DST: variants seen among roughly 807,000 people sequenced by gnomAD.
DST encodes dystonin.
Under a neutral mutation model 875.2 loss-of-function variants are expected in DST, and 253 were observed. The observed-to-expected ratio is 0.29, with a 90% CI of 0.26 to 0.32. The LOEUF is 0.32. DST is among the 10% of genes least tolerant of loss of function. The pLI is 1.00. For missense variants in DST, 8,287 were observed against 9,111.6 expected (o/e 0.91, Z 3.68); for synonymous variants, 3,124 against 3,197.1 (o/e 0.98, Z 0.77).
At chr6:56,506,838 A>G in intron 75 of DST, 49 bp from the exon 76 acceptor site, 2 of 1,563,560 alleles carry the variant, frequency 1.3e-6, no homozygotes, top group Non-Finnish European at 1.7e-6. Flanking sequence ...AACCACATCA[A>G]AACTTTAAAA....
chr6:56,942,014 T>C (rs1321957886), intron 2 of DST, among the ~76,000 whole-genome samples: 1 of 152,210 alleles, frequency 6.6e-6, no homozygotes, highest in Non-Finnish European at 1.5e-5. Context: ...ATTAGTTAGA[T>C]ACACATTTAT....
chr6:56,950,467 C>T (rs531924085), intron 2 of DST, among the ~76,000 whole-genome samples: 84 of 152,274 alleles, frequency 5.5e-4, no homozygotes, highest in Middle Eastern at 3.4e-3. Flanking sequence ...ATTGTCACAG[C>T]CTGACTTTCA....
At chr6:56,634,414 A>G in intron 26 of DST, 48 bp downstream of exon 26, 1 of 1,611,032 alleles carries the variant, frequency 6.2e-7, no homozygotes, top group South Asian at 1.1e-5. Flanking sequence ...TTCAACCTTC[A>G]GAGGGCCCCC....
chr6:56,780,320 G>C (rs2099690376), intron 4 of DST, among the ~76,000 whole-genome samples: 1 of 151,896 alleles, frequency 6.6e-6, no homozygotes, highest in South Asian at 2.1e-4. Context: ...CACAACGGTT[G>C]AACTAGTTTA....
chr6:56,783,373 G>A (rs1050535238), intron 4 of DST, among the ~76,000 whole-genome samples: 7 of 152,062 alleles, frequency 4.6e-5, no homozygotes, highest in African/African-American at 1.7e-4. Context: ...CTCCTTGTAG[G>A]TCACTCAGGA....
intron 4 of DST, among the ~76,000 whole-genome samples, chr6:56,743,545 CCTGT>C (rs916139356): frequency 6.6e-5 from 10 of 152,244 alleles, no homozygotes; most frequent in South Asian, 6.2e-4. Flanking sequence ...AAAGCCTAAG[CCTGT>C]CTATTTCACT....
intron 87 of DST, 142 bp from the exon 88 acceptor site, chr6:56,485,613 T>G: frequency 1.2e-6 from 1 of 843,138 alleles, no homozygotes; most frequent in African/African-American, 1.7e-5. Flanking sequence ...TTCTTTGCTC[T>G]TCTTAGGAAA....
At chr6:56,474,120 T>A in intron 92 of DST, 118 bp from the exon 93 acceptor site, 2 of 854,122 alleles carry the variant, frequency 2.3e-6, no homozygotes, top group East Asian at 2.8e-5. Flanking sequence ...GAAGAATAAA[T>A]CATATGCTTT....
chr6:56,750,617 G>T (rs1363554290), intron 4 of DST, among the ~76,000 whole-genome samples: 1 of 152,144 alleles, frequency 6.6e-6, no homozygotes, highest in Non-Finnish European at 1.5e-5. Flanking sequence ...AAGAAAAGAA[G>T]AGGAAATGCA....
intron 2 of DST, among the ~76,000 whole-genome samples, chr6:56,914,175 A>G (rs1799892661): frequency 6.6e-6 from 1 of 152,236 alleles, no homozygotes. Context: ...GCTTTCAGGC[A>G]TATTTATGGA....
In DST at chr6:56,528,524, C is replaced by T. The variant is rs536785015; in HGVS notation, c.17680+317G>A. ...TTAAAAAGAAATTGTCTACAACCTA[C>T]GTGTTCATCTGCCTTCCACAAGTGG... On this transcript the variant is annotated intron_variant, in intron 67 of 103. Transcript: ENST00000680361. Among the ~76,000 whole-genome samples, 52 of 152,268 alleles carry T rather than the reference C, an allele frequency of 3.4e-4. 2 individuals carry two copies. The highest frequency in any genetic ancestry group is 5.8e-4 in the East Asian group (3 of 5,170).
chr6:56,611,567 C>T lies in DST; in HGVS notation c.5088G>A (p.Lys1696=), dbSNP rs759984134. The T allele has an allele frequency of 4.8e-5, 77 of 1,612,606 alleles. No homozygotes were observed. The highest frequency in any genetic ancestry group is 6.2e-5 in the Non-Finnish European group (73 of 1,179,266). The change falls in exon 38 of 104, where the codon AAG becomes AAA. Residue 1696 remains lysine (K), a synonymous_variant. Coordinates refer to ENST00000680361, the MANE Select transcript of DST (RefSeq NM_001374736.1). ...TTTGAAGTGCTTCCGATAATTGTTC[C>T]TTCTTGGTTGATATTTCCTCACTGG... is the stretch of plus-strand genomic sequence containing the variant. ...KISSEEISTK[K]EQLSEALQTI...
intron 22 of DST, chr6:56,638,860 T>C: frequency 4.2e-6 from 1 of 237,938 alleles, no homozygotes; most frequent in South Asian, 6.0e-5. Context: ...GAGTAAATTA[T>C]TTCCTTCTTA....
chr6:56,616,845 G>C, intron 36 of DST: 1 of 1,614,084 alleles, frequency 6.2e-7, no homozygotes. Context: ...GCCTCAAGAA[G>C]CCTAATTCTG....
In DST at chr6:56,572,740, G is replaced by A; in HGVS notation, c.13554+7C>T. On this transcript the variant is annotated splice_region_variant and intron_variant, in intron 52 of 103. Coordinates refer to ENST00000680361, the MANE Select transcript of DST (RefSeq NM_001374736.1). ...GATTAGCCTCCTGAGTAGTAAGGGA[G>A]GCATACCTGCATATACTGAGACAAT... is the stretch of plus-strand genomic sequence containing the variant. 1.3e-6 allele frequency: 2 copies of A among 1,557,828 alleles called. No homozygotes were observed. Among genetic ancestry groups the A allele is most frequent in the Non-Finnish European group, 8.7e-7 (1 of 1,154,674 alleles).
intron 3 of DST, among the ~76,000 whole-genome samples, chr6:56,873,633 T>C (rs1778346338): frequency 1.3e-5 from 2 of 152,174 alleles, no homozygotes; most frequent in South Asian, 4.1e-4. Flanking sequence ...AAATATTGCC[T>C]GTTCTCACTC....
intron 5 of DST, among the ~76,000 whole-genome samples, chr6:56,724,223 T>C (rs768829944): frequency 1.3e-5 from 2 of 152,186 alleles, no homozygotes; most frequent in African/African-American, 2.4e-5. Flanking sequence ...TAACAAACTA[T>C]GAGGTAAAAG....
chr6:56,924,604 G>A (rs1001044979), intron 2 of DST, among the ~76,000 whole-genome samples: 1 of 151,950 alleles, frequency 6.6e-6, no homozygotes, highest in African/African-American at 2.4e-5. Context: ...GGTCATCTTC[G>A]ATTTCTACTA....
chr6:56,735,730 A>G (rs913608873), intron 4 of DST, among the ~76,000 whole-genome samples: 2 of 152,268 alleles, frequency 1.3e-5, no homozygotes, highest in African/African-American at 2.4e-5. Flanking sequence ...AGACTTGTTC[A>G]TGATTACCCA....
Sources: allele counts gnomAD v4.1 joint callset (sites outside exome capture counted in the v4.1 genomes callset), GRCh38; gene constraint gnomAD v4.1.1; transcripts MANE v1.5; gene names NCBI Gene and HGNC (gene_info 2026-07-23, HGNC 2026-07-21).